PCNX1: variants seen among roughly 807,000 people sequenced by gnomAD.
The protein encoded by PCNX1 is pecanex-like protein 1.
PCNX1 carries 78 observed loss-of-function variants against 242.2 expected under a neutral mutation model. That is an observed-to-expected ratio of 0.32 (90% CI 0.27 to 0.39). The LOEUF is 0.39. Ranked by LOEUF, PCNX1 falls within the 10% of genes least tolerant of loss-of-function variation. PCNX1 has a pLI of 1.00. For synonymous variants in PCNX1, 1,024 were observed against 1,032.9 expected, an observed-to-expected ratio of 0.99 and a Z score of 0.17; for missense variants, 2,581 against 2,856.5, an observed-to-expected ratio of 0.90 and a Z score of 2.20.
chr14:70,979,033 A>G (rs981416609), intron 6 of PCNX1, among the ~76,000 whole-genome samples: 1 of 152,224 alleles, frequency 6.6e-6, no homozygotes, highest in African/African-American at 2.4e-5. Flanking sequence ...ACTCTTATAC[A>G]GTATATGACA....
chr14:71,105,354 A>G lies in PCNX1; in HGVS notation c.6215A>G (p.Asn2072Ser). ...NATTANNPHS[N>S]VTQGSIGNPG... ...ACAACTGCCAACAATCCCCACAGCA[A>G]CGTGACCCAGGGAAGCATTGGAAAT... The change falls in exon 33 of 36, where the codon AAC becomes AGC. Residue 2072 changes from asparagine to serine, a missense_variant. Physicochemically the swap from Asn to Ser is conservative, Grantham distance 46. Transcript: ENST00000304743. The G allele has an allele frequency of 1.2e-6, 2 of 1,614,096 alleles. No individual in the cohort carries two copies. Among genetic ancestry groups the G allele is most frequent in the Non-Finnish European group, 1.7e-6 (2 of 1,179,998 alleles).
intron 7 of PCNX1, among the ~76,000 whole-genome samples, chr14:70,993,314 A>T (rs1039259978): frequency 4.6e-5 from 7 of 151,030 alleles, no homozygotes; most frequent in African/African-American, 1.5e-4. Flanking sequence ...TGTTTAGTAG[A>T]GACGGGGTTT....
chr14:71,033,355 T>TA, intron 16 of PCNX1, 74 bp from the exon 17 acceptor site: 2 of 722,848 alleles, frequency 2.8e-6, no homozygotes, highest in Non-Finnish European at 4.6e-6. Context: ...TTTTCCAAAA[T>TA]ACGTACATAA....
At chr14:70,924,695 C>T (rs188692986) in intron 1 of PCNX1, among the ~76,000 whole-genome samples, 1 of 152,254 alleles carries the variant, frequency 6.6e-6, no homozygotes, top group East Asian at 1.9e-4. Context: ...TCAGGTGACC[C>T]TCCCACCTCA....
chr14:71,105,952 T>G (rs2062605389), intron 33 of PCNX1, among the ~76,000 whole-genome samples: 1 of 149,428 alleles, frequency 6.7e-6, no homozygotes, highest in African/African-American at 2.4e-5. Flanking sequence ...TAAAACTTGA[T>G]AATTCAACAT....
chr14:71,055,186 A>T (rs2061147319), intron 24 of PCNX1, among the ~76,000 whole-genome samples: 1 of 152,216 alleles, frequency 6.6e-6, no homozygotes, highest in Admixed American at 6.5e-5. Context: ...TTGAATTTTT[A>T]AGAACCATAT....
rs2062685756 is a variant in PCNX1 at position 71,108,605 on chromosome 14, C to G, written c.6303C>G (p.Gly2101=). 6.2e-7 allele frequency: 1 copy of G among 1,602,676 alleles called. No homozygotes were observed. Among genetic ancestry groups the G allele is most frequent in the African/African-American group, 1.3e-5 (1 of 74,696 alleles). The change falls in exon 34 of 36, where the codon GGC becomes GGG. Residue 2101 remains glycine (G), a splice_region_variant and synonymous_variant. Coordinates refer to ENST00000304743, the MANE Select transcript of PCNX1 (RefSeq NM_014982.3). The part of the protein sequence containing the change: ...PPVTSYPPTL[G]TSHSSHSVQS... ...GAGTGCTGCTGTTTCTCCTCCTAGG[C>G]ACTAGCCACAGCTCTCACTCTGTGC...
chr14:71,101,956 C>T, intron 30 of PCNX1, 34 bp from the exon 31 acceptor site: 1 of 1,239,728 alleles, frequency 8.1e-7, no homozygotes, highest in Non-Finnish European at 1.1e-6. Context: ...CTTTTATTTT[C>T]CTTTAAAAAT....
chr14:71,090,492 T>A (rs553462633), intron 30 of PCNX1, among the ~76,000 whole-genome samples: 1 of 152,312 alleles, frequency 6.6e-6, no homozygotes, highest in African/African-American at 2.4e-5. Context: ...GGAACATGAC[T>A]AATAAAGGAC....
At chr14:71,019,261 T>A in intron 12 of PCNX1, 99 bp downstream of exon 12, 1 of 934,520 alleles carries the variant, frequency 1.1e-6, no homozygotes. Context: ...TAATTATTTT[T>A]AGGCTTACTT....
intron 8 of PCNX1, among the ~76,000 whole-genome samples, chr14:71,005,921 CTT>C (rs372502839): frequency 2.5e-4 from 34 of 134,794 alleles, no homozygotes; most frequent in East Asian, 4.2e-4. Context: ...GGTATCTTAA[CTT>C]TTTTTTTTTT....
At chr14:70,955,138 C>T (rs2057943967) in intron 2 of PCNX1, among the ~76,000 whole-genome samples, 1 of 152,118 alleles carries the variant, frequency 6.6e-6, no homozygotes, top group Non-Finnish European at 1.5e-5. Flanking sequence ...GAATCAGTCA[C>T]TAATTTTTTT....
At chr14:71,004,909 C>A (rs1226735485) in intron 8 of PCNX1, among the ~76,000 whole-genome samples, 6 of 152,114 alleles carry the variant, frequency 3.9e-5, no homozygotes. Flanking sequence ...TTTAAAAACT[C>A]ACTTTATACA....
In PCNX1 at chr14:70,978,452, C is replaced by G. The variant is rs1419778226; in HGVS notation, c.2115C>G (p.Asn705Lys). 2 of 1,613,982 alleles carry G rather than the reference C, an allele frequency of 1.2e-6. No homozygotes were observed. Among genetic ancestry groups the G allele is most frequent in the African/African-American group, 2.7e-5 (2 of 74,920 alleles). ...SGTVACLNDS[N>K]RLMAPESIKP... ...CAGTAGCATGTTTGAATGACTCAAA[C>G]AGGTTAATGGCACCTGAAAGTATAA... The change falls in exon 6 of 36, where the codon AAC becomes AAG. Residue 705 changes from asparagine (N) to lysine (K), a missense_variant. Coordinates refer to ENST00000304743, the MANE Select transcript of PCNX1 (RefSeq NM_014982.3).
intron 9 of PCNX1, among the ~76,000 whole-genome samples, chr14:71,010,485 T>G (rs2059792998): frequency 6.6e-6 from 1 of 152,080 alleles, no homozygotes; most frequent in Non-Finnish European, 1.5e-5. Context: ...AAAATATGTC[T>G]CATACGTTAC....
intron 7 of PCNX1, 129 bp downstream of exon 7, chr14:70,988,828 T>G (rs780170628): frequency 3.2e-5 from 37 of 1,159,468 alleles, no homozygotes; most frequent in Non-Finnish European, 4.0e-5. Context: ...CCTATACATT[T>G]AAGCCCTTTT....
rs2059862420 is a variant in PCNX1 at position 71,012,893 on chromosome 14, A to T, written c.2779-92A>T. ...AGATAACTGATAAGCTAATTGAGTAACTGTTGAATTATGAAGATATTTTAT... is the reference window on the plus strand; with the variant it reads ...AGATAACTGATAAGCTAATTGAGTATCTGTTGAATTATGAAGATATTTTAT... On this transcript the variant is annotated intron_variant, in intron 10 of 35. Coordinates refer to ENST00000304743, the MANE Select transcript of PCNX1 (RefSeq NM_014982.3). 2.1e-5 allele frequency: 18 copies of T among 838,436 alleles called. No individual in the cohort carries two copies. The South Asian group carries it at 2.5e-4, about 12-fold the overall frequency. 51.9% of individuals were successfully genotyped at this position (838,436 alleles called of 1,614,324 possible).
chr14:71,036,536 GTACAGTAACA>G (rs749640670), intron 19 of PCNX1, among the ~76,000 whole-genome samples: 13 of 152,074 alleles, frequency 8.5e-5, no homozygotes, highest in Non-Finnish European at 1.3e-4. Flanking sequence ...ACAGTATTCA[GTACAGTAACA>G]TACTATACAT....
chr14:71,000,526 A>ATT (rs3083305), intron 8 of PCNX1, among the ~76,000 whole-genome samples: 14,086 of 126,600 alleles, frequency 0.11, 1,004 homozygotes, highest in South Asian at 0.18. Flanking sequence ...CTGTCCCTTG[A>ATT]TTTTTTTTTT....
Sources: allele counts gnomAD v4.1 joint callset (sites outside exome capture counted in the v4.1 genomes callset), GRCh38; gene constraint gnomAD v4.1.1; transcripts MANE v1.5; gene names NCBI Gene and HGNC (gene_info 2026-07-23, HGNC 2026-07-21).